Variants in LPP observed in about 807,000 individuals in gnomAD.
The protein encoded by LPP is lipoma-preferred partner.
LPP carries 38 observed loss-of-function variants against 60.4 expected under a neutral mutation model. The observed-to-expected ratio is 0.63, with a 90% confidence interval of 0.49 to 0.83. LPP has a LOEUF of 0.83. Among genes scored for constraint, LPP ranks in the 40% least tolerant of loss-of-function variants. The probability of loss-of-function intolerance (pLI) is 0.00; values close to 1 mark genes in which losing one functional copy is unlikely to be tolerated. For missense variants in LPP, 902 were observed against 783.6 expected, an observed-to-expected ratio of 1.15 and a Z score of -1.80; for synonymous variants, 328 against 290.8, an observed-to-expected ratio of 1.13 and a Z score of -1.30.
intron 3 of LPP, among the ~76,000 whole-genome samples, chr3:188,385,235 T>A (rs962535744): frequency 3.3e-5 from 5 of 152,174 alleles, no homozygotes; most frequent in African/African-American, 9.7e-5. Flanking sequence ...AATGTTTCAC[T>A]TTTTACTTTG....
At chr3:188,473,349 C>CCAGA (rs1426805676) in intron 4 of LPP, among the ~76,000 whole-genome samples, 4 of 152,140 alleles carry the variant, frequency 2.6e-5, no homozygotes, top group African/African-American at 9.7e-5. Context: ...CTTTTCTGGT[C>CCAGA]TAGAATTATA....
At chr3:188,767,069 T>A (rs1734389390) in intron 9 of LPP, among the ~76,000 whole-genome samples, 1 of 152,212 alleles carries the variant, frequency 6.6e-6, no homozygotes, top group African/African-American at 2.4e-5. Context: ...TTCTGAAGGT[T>A]GATTCAAGGA....
chr3:188,363,980 G>A (rs189332250), intron 3 of LPP, among the ~76,000 whole-genome samples: 72 of 151,658 alleles, frequency 4.7e-4, no homozygotes, highest in African/African-American at 1.5e-3. Context: ...CTGCAGAAGC[G>A]TGGTCAAGCA....
intron 5 of LPP, among the ~76,000 whole-genome samples, chr3:188,503,531 T>TTGTA (rs1282320308): frequency 1.3e-5 from 2 of 152,180 alleles, no homozygotes; most frequent in Non-Finnish European, 2.9e-5. Context: ...CTGTATTTCT[T>TTGTA]TGTATGATTT....
chr3:188,602,405 A>G (rs1841542683), intron 6 of LPP, among the ~76,000 whole-genome samples: 1 of 151,528 alleles, frequency 6.6e-6, no homozygotes, highest in South Asian at 2.1e-4. Context: ...AGCCAAAAGA[A>G]GCAGCAAATT....
At chr3:188,604,225 A>C (rs1404303484) in intron 6 of LPP, among the ~76,000 whole-genome samples, 1 of 152,150 alleles carries the variant, frequency 6.6e-6, no homozygotes, top group Non-Finnish European at 1.5e-5. Context: ...GTAGACTTTC[A>C]ATAAATTTCT....
intron 8 of LPP, among the ~76,000 whole-genome samples, chr3:188,740,444 A>T (rs547084816): frequency 3.3e-5 from 5 of 152,238 alleles, no homozygotes; most frequent in Admixed American, 2.0e-4. Flanking sequence ...ATTACATTTA[A>T]TTGTGTCTCT....
chr3:188,820,958 C>T (rs559878093), intron 9 of LPP, among the ~76,000 whole-genome samples: 8 of 152,146 alleles, frequency 5.3e-5, no homozygotes, highest in South Asian at 2.1e-4. Flanking sequence ...TTTACATATA[C>T]GAGATGATTT....
At chr3:188,373,741 G>A (rs201990986) in intron 3 of LPP, among the ~76,000 whole-genome samples, 2 of 152,074 alleles carry the variant, frequency 1.3e-5, no homozygotes, top group Admixed American at 1.3e-4. Context: ...TATGGCTTTT[G>A]TTGCCATTGC....
intron 6 of LPP, among the ~76,000 whole-genome samples, chr3:188,589,795 T>C: frequency 6.6e-6 from 1 of 152,368 alleles, no homozygotes; most frequent in African/African-American, 2.4e-5. Context: ...TATTATTACA[T>C]TTTTAAAATA....
intron 9 of LPP, among the ~76,000 whole-genome samples, chr3:188,824,029 C>T (rs1363985100): frequency 6.6e-6 from 1 of 152,030 alleles, no homozygotes; most frequent in Non-Finnish European, 1.5e-5. Flanking sequence ...ATCCATTTGT[C>T]TCATACTTTC....
chr3:188,600,104 T>C (rs1414687433), intron 6 of LPP, among the ~76,000 whole-genome samples: 1 of 151,292 alleles, frequency 6.6e-6, no homozygotes, highest in Non-Finnish European at 1.5e-5. Flanking sequence ...CTGCTATGCT[T>C]CTTCCTTTTT....
intron 2 of LPP, among the ~76,000 whole-genome samples, chr3:188,267,194 C>A (rs893743160): frequency 6.6e-6 from 1 of 152,150 alleles, no homozygotes; most frequent in Non-Finnish European, 1.5e-5. Context: ...TGACTTCTTG[C>A]CTCTCAAGTC....
chr3:188,453,042 G>A (rs1022989834), intron 4 of LPP, among the ~76,000 whole-genome samples: 4 of 152,100 alleles, frequency 2.6e-5, no homozygotes, highest in Non-Finnish European at 5.9e-5. Flanking sequence ...GCCTTCTTAG[G>A]TGGACCAACC....
chr3:188,835,226 G>C (rs986055049), intron 9 of LPP, among the ~76,000 whole-genome samples: 4 of 151,580 alleles, frequency 2.6e-5, no homozygotes, highest in Non-Finnish European at 5.9e-5. Flanking sequence ...TGGAGGCCGA[G>C]GGGGGCAGAT....
At chr3:188,789,939 G>A in intron 9 of LPP, among the ~76,000 whole-genome samples, 1 of 152,208 alleles carries the variant, frequency 6.6e-6, no homozygotes, top group East Asian at 1.9e-4. Context: ...TGGGAAGCAT[G>A]TACTCACATG....
At chr3:188,374,454 T>G (rs981888614) in intron 3 of LPP, among the ~76,000 whole-genome samples, 6 of 152,280 alleles carry the variant, frequency 3.9e-5, no homozygotes, top group South Asian at 2.1e-4. Flanking sequence ...CTAGGTATTT[T>G]ATTCTCTTTG....
intron 9 of LPP, among the ~76,000 whole-genome samples, chr3:188,794,257 T>G (rs1744677858): frequency 6.6e-6 from 1 of 152,258 alleles, no homozygotes; most frequent in South Asian, 2.1e-4. Context: ...AATCAGAATC[T>G]CTAAAAGTGA....
intron 1 of LPP, among the ~76,000 whole-genome samples, chr3:188,155,788 C>T (rs1560066358): frequency 2.0e-5 from 3 of 152,056 alleles, no homozygotes; most frequent in Non-Finnish European, 4.4e-5. Context: ...CCAAGGCGGG[C>T]GGATTGCCTG....
Sources: gnomAD v4.1 joint callset for allele counts (sites outside exome capture counted in the v4.1 genomes callset) on GRCh38, gnomAD v4.1.1 for gene constraint, MANE v1.5 for transcripts, NCBI Gene and HGNC (gene_info 2026-07-23, HGNC 2026-07-21) for gene names.